Variants in SVIL observed in about 807,000 individuals in gnomAD.
The protein encoded by SVIL is supervillin.
Under a neutral mutation model 240.4 loss-of-function variants are expected in SVIL, and 101 were observed. That is an observed-to-expected ratio of 0.42 (90% CI 0.36 to 0.50). The LOEUF (loss-of-function observed/expected upper bound fraction) is 0.50, where lower values mean the gene tolerates loss of function less well. Ranked by LOEUF, SVIL falls within the 20% of genes least tolerant of loss-of-function variation. The pLI is 0.01. For missense variants in SVIL, 2,512 were observed against 2,818.7 expected (o/e 0.89, Z 2.46); for synonymous variants, 999 against 1,100.0 (o/e 0.91, Z 1.82).
chr10:29,542,134 T>G (rs779736286), intron 6 of SVIL, among the ~76,000 whole-genome samples: 1 of 152,236 alleles, frequency 6.6e-6, no homozygotes, highest in Admixed American at 6.5e-5. Flanking sequence ...CAATTTGCAT[T>G]TGGGTGCGAG....
intron 2 of SVIL, among the ~76,000 whole-genome samples, chr10:29,685,045 A>AT (rs1960955331): frequency 6.6e-6 from 1 of 151,982 alleles, no homozygotes; most frequent in Admixed American, 6.6e-5. Context: ...CCCAATGAGT[A>AT]TTTTTTCTGA....
chr10:29,466,881 G>T (rs1181273018), intron 33 of SVIL, among the ~76,000 whole-genome samples: 2 of 151,948 alleles, frequency 1.3e-5, no homozygotes, highest in African/African-American at 4.8e-5. Context: ...CGTTTTCTAG[G>T]CATTATGTTT....
At chr10:29,494,316 A>T (rs553178194) in intron 20 of SVIL, among the ~76,000 whole-genome samples, 32 of 152,330 alleles carry the variant, frequency 2.1e-4, no homozygotes, top group Middle Eastern at 3.4e-3. Flanking sequence ...TTCAGTTATT[A>T]TATTACACTT....
chr10:29,509,330 GGAGAGAGA>G (rs66616602), intron 17 of SVIL, among the ~76,000 whole-genome samples: 3,539 of 66,804 alleles, frequency 0.053, 159 homozygotes, highest in African/African-American at 0.11. Flanking sequence ...GGAGGGGGAG[GGAGAGAGA>G]GAGAGAGAGA....
At chr10:29,470,239 G>C (rs755348162) in intron 32 of SVIL, 37 bp downstream of exon 32, 1 of 1,587,030 alleles carries the variant, frequency 6.3e-7, no homozygotes, top group Non-Finnish European at 8.6e-7. Flanking sequence ...TGGGAAGCCC[G>C]GTGTGTGGGG....
chr10:29,474,067 C>A, intron 29 of SVIL, 78 bp from the exon 30 acceptor site: 2 of 1,554,724 alleles, frequency 1.3e-6, no homozygotes, highest in South Asian at 2.3e-5. Context: ...CTCACTTTCC[C>A]CGGGCCTGCA....
At chr10:29,633,901 A>G (rs1958209499) in intron 1 of SVIL, among the ~76,000 whole-genome samples, 1 of 152,196 alleles carries the variant, frequency 6.6e-6, no homozygotes, top group Non-Finnish European at 1.5e-5. Flanking sequence ...CGCAAGTTCT[A>G]GAAATCAAGC....
At chr10:29,667,460 G>A (rs1475324621) in intron 2 of SVIL, among the ~76,000 whole-genome samples, 1 of 152,174 alleles carries the variant, frequency 6.6e-6, no homozygotes, top group African/African-American at 2.4e-5. Context: ...GGGGCTGAGT[G>A]TGGGAACTGA....
intron 17 of SVIL, among the ~76,000 whole-genome samples, chr10:29,501,546 A>G (rs1439399672): frequency 6.6e-6 from 1 of 152,172 alleles, no homozygotes; most frequent in Admixed American, 6.5e-5. Context: ...TGCTCTGCCT[A>G]TAATGGAAAT....
rs1953277270 is a variant in SVIL, at chr10:29,551,025, T to C, written c.399A>G (p.Leu133=). Residue 133 remains leucine (L), a synonymous_variant, in exon 6 of 38, where the codon TTA becomes TTG. Coordinates refer to ENST00000355867, the MANE Select transcript of SVIL (RefSeq NM_021738.3). Reference sequence around the variant, plus strand: ...CCTTCCTGGACTTGGTATAGCGGGATAAATACTCGGAGTCGGCCTCGGGAT... The same window carrying C: ...CCTTCCTGGACTTGGTATAGCGGGACAAATACTCGGAGTCGGCCTCGGGAT... The part of the protein sequence containing the change: ...TLDPEADSEY[L]SRYTKSRKEP... 1 of 1,614,172 alleles carries C rather than the reference T, an allele frequency of 6.2e-7. No individual in the cohort carries two copies. The highest frequency in any genetic ancestry group is 1.7e-5 in the Admixed American group (1 of 60,020).
At chr10:29,586,569 T>C (rs979325837) in intron 1 of SVIL, among the ~76,000 whole-genome samples, 2 of 152,196 alleles carry the variant, frequency 1.3e-5, no homozygotes, top group African/African-American at 2.4e-5. Flanking sequence ...TATCTAGTTA[T>C]ATTTCCTCCC....
At chr10:29,526,863 G>A in intron 13 of SVIL, 98 bp downstream of exon 13, 2 of 1,044,468 alleles carry the variant, frequency 1.9e-6, no homozygotes, top group Non-Finnish European at 1.3e-6. Flanking sequence ...GCATTGACTT[G>A]TTTGTCAAAC....
At chr10:29,530,998 GA>G (rs1282475075) in intron 10 of SVIL, among the ~76,000 whole-genome samples, 3 of 152,210 alleles carry the variant, frequency 2.0e-5, no homozygotes, top group Admixed American at 6.5e-5. Context: ...ACAACAAGAA[GA>G]ACCTGCTCCT....
chr10:29,504,363 A>G (rs972281070), intron 17 of SVIL, among the ~76,000 whole-genome samples: 7 of 152,250 alleles, frequency 4.6e-5, no homozygotes, highest in Non-Finnish European at 1.0e-4. Flanking sequence ...CTGAAATTAA[A>G]GACTTCTGTA....
intron 1 of SVIL, among the ~76,000 whole-genome samples, chr10:29,619,150 C>T (rs973283810): frequency 6.6e-6 from 1 of 152,156 alleles, no homozygotes; most frequent in Non-Finnish European, 1.5e-5. Flanking sequence ...TGACAGAAGT[C>T]ATTATGCGCA....
chr10:29,672,592 C>T (rs921562682), intron 2 of SVIL, among the ~76,000 whole-genome samples: 6 of 152,182 alleles, frequency 3.9e-5, no homozygotes, highest in Non-Finnish European at 8.8e-5. Flanking sequence ...CACATAAGTG[C>T]CCAGCATGGT....
At chr10:29,646,303 C>A (rs1589446469) in intron 3 of SVIL, among the ~76,000 whole-genome samples, 1 of 152,130 alleles carries the variant, frequency 6.6e-6, no homozygotes, top group Non-Finnish European at 1.5e-5. Context: ...TTCTCAAATA[C>A]CTCTTTGGGA....
At chr10:29,584,437 A>G (rs1264104721) in intron 1 of SVIL, among the ~76,000 whole-genome samples, 2 of 152,210 alleles carry the variant, frequency 1.3e-5, no homozygotes, top group Admixed American at 1.3e-4. Context: ...CTGCATGCAC[A>G]GGGGGTCTGG....
At chr10:29,620,711 C>T (rs149217034) in intron 1 of SVIL, among the ~76,000 whole-genome samples, 83 of 152,286 alleles carry the variant, frequency 5.5e-4, no homozygotes, top group African/African-American at 1.9e-3. Context: ...CTCCACCTCC[C>T]GGGTTCAAAT....
Sources: allele counts gnomAD v4.1 joint callset (sites outside exome capture counted in the v4.1 genomes callset), GRCh38; gene constraint gnomAD v4.1.1; transcripts MANE v1.5; gene names NCBI Gene and HGNC (gene_info 2026-07-23, HGNC 2026-07-21).